Variants in PABPC4 observed in about 807,000 individuals in gnomAD.
PABPC4 encodes poly(A) binding protein cytoplasmic 4.
Under a neutral mutation model 74.5 loss-of-function variants are expected in PABPC4, and 15 were observed. The ratio of observed to expected loss-of-function variants is 0.20; its 90% CI spans 0.13 to 0.31. The LOEUF (loss-of-function observed/expected upper bound fraction) is 0.31. PABPC4 is among the 10% of genes least tolerant of loss of function. The pLI is 1.00. For missense variants in PABPC4, 610 were observed against 853.5 expected, an observed-to-expected ratio of 0.71 and a Z score of 3.55; for synonymous variants, 345 against 303.0, an observed-to-expected ratio of 1.14 and a Z score of -1.44.
rs1241622640 is a variant in PABPC4 at position 39,569,097 on chromosome 1, A to G, written c.739-158T>C. 2.6e-5 allele frequency among the ~76,000 whole-genome samples: 4 copies of G among 152,218 alleles called. No homozygotes were observed. In the East Asian group the frequency reaches 7.7e-4, roughly 29 times the overall value. Reference sequence around the variant, plus strand: ...CACAAATCCAAACTTCCTCATCTGTAAAGTGAGGTTAATATTTAAATGGGT... The same window carrying G: ...CACAAATCCAAACTTCCTCATCTGTGAAGTGAGGTTAATATTTAAATGGGT... On this transcript the variant is annotated intron_variant, in intron 5 of 15. Coordinates refer to ENST00000372858, the MANE Select transcript of PABPC4 (RefSeq NM_001135653.2).
intron 3 of PABPC4, chr1:39,570,447 T>TGC: frequency 6.3e-6 from 1 of 159,106 alleles, no homozygotes; most frequent in South Asian, 2.0e-4. Context: ...AGAAAATTTA[T>TGC]CCATGCACTG....
chr1:39,572,294 A>G (rs1259227710), intron 2 of PABPC4, 99 bp downstream of exon 2: 4 of 946,676 alleles, frequency 4.2e-6, no homozygotes, highest in Non-Finnish European at 6.3e-6. Context: ...AAATTCCCAT[A>G]TCTTGTTCCC....
Position 39,569,961 on chromosome 1 carries a change from T to C in PABPC4, c.545A>G (p.Glu182Gly). 6.2e-7 allele frequency: 1 copy of C among 1,614,116 alleles called. No individual in the cohort carries two copies. Among genetic ancestry groups the C allele is most frequent in the Non-Finnish European group, 8.5e-7 (1 of 1,180,022 alleles). ...GAATTCCTTGGCTTTGGCTCCAAGCTCAGCTTCCCGCTCTTTGCGAGACTT... is the reference window on the plus strand; with the variant it reads ...GAATTCCTTGGCTTTGGCTCCAAGCCCAGCTTCCCGCTCTTTGCGAGACTT... ...RFKSRKEREA[E>G]LGAKAKEFTN... The change falls in exon 4 of 16, where the codon GAG becomes GGG. Residue 182 changes from glutamate (E) to glycine (G), a missense_variant. Physicochemically the swap from Glu to Gly is moderately conservative, Grantham distance 98. Coordinates refer to ENST00000372858, the MANE Select transcript of PABPC4 (RefSeq NM_001135653.2).
chr1:39,572,002 C>T (rs1358796262), intron 2 of PABPC4, among the ~76,000 whole-genome samples: 4 of 152,162 alleles, frequency 2.6e-5, no homozygotes, highest in African/African-American at 9.7e-5. Flanking sequence ...ACACCACCAC[C>T]GTTTAAGTTT....
In PABPC4 at chr1:39,575,842, AC is replaced by A; in HGVS notation, c.109del (p.Val37CysfsTer10). Reference sequence around the variant, plus strand: ...ATCGCGGCAGACCCGGATGGACAGCACAGGCCCCGCGGGGCTGAACTTTTCG... The same window carrying A: ...ATCGCGGCAGACCCGGATGGACAGCAAGGCCCCGCGGGGCTGAACTTTTCG... ...LYEKFSPAGP[V>X]LSIRVCRDMI... is the part of the protein sequence containing the mutation. On this transcript the variant is annotated frameshift_variant, in exon 1 of 16. Coordinates refer to ENST00000372858, the MANE Select transcript of PABPC4 (RefSeq NM_001135653.2). LOFTEE classifies it high-confidence loss of function. The A allele has an allele frequency of 6.2e-7, 1 of 1,612,412 alleles. No homozygotes were observed. Among genetic ancestry groups the A allele is most frequent in the Non-Finnish European group, 8.5e-7 (1 of 1,179,632 alleles).
chr1:39,563,495 T>C (rs1272939261), intron 12 of PABPC4, 119 bp downstream of exon 12: 7 of 1,281,374 alleles, frequency 5.5e-6, no homozygotes, highest in Admixed American at 2.5e-5. Flanking sequence ...AATCAGAACA[T>C]AGCGTCATAA....
chr1:39,565,853 C>A (rs917159300), intron 7 of PABPC4, among the ~76,000 whole-genome samples: 77 of 142,348 alleles, frequency 5.4e-4, no homozygotes, highest in African/African-American at 2.3e-3. Context: ...CAAAACAAAA[C>A]AAAACAAAAC....
At chr1:39,568,191 A>C (rs1333795198) in intron 6 of PABPC4, 2 of 180,580 alleles carry the variant, frequency 1.1e-5, no homozygotes, top group Non-Finnish European at 2.3e-5. Flanking sequence ...CGGGAGGCGG[A>C]GTTTGCAGTG....
At position 39,574,561 on chromosome 1, in the gene PABPC4, A is replaced by G. The variant is rs577952934; in HGVS notation, c.193+1198T>C. Among the ~76,000 whole-genome samples the G allele has an allele frequency of 2.6e-5, 4 of 152,356 alleles. No homozygotes were observed. The East Asian group carries it at 7.7e-4, about 29-fold the overall frequency. On this transcript the variant is annotated intron_variant, in intron 1 of 15. Coordinates refer to ENST00000372858, the MANE Select transcript of PABPC4 (RefSeq NM_001135653.2). ...ATTATCCCTTAAAAAGACCACACTCAGCTACCTTTGCGCTCCTATGGCCAT... is the reference window on the plus strand; with the variant it reads ...ATTATCCCTTAAAAAGACCACACTCGGCTACCTTTGCGCTCCTATGGCCAT...
intron 7 of PABPC4, among the ~76,000 whole-genome samples, chr1:39,566,811 G>T (rs140875787): frequency 2.2e-4 from 33 of 152,276 alleles, no homozygotes; most frequent in Non-Finnish European, 8.8e-5. Context: ...TTACACTGAT[G>T]AGGGCCAGTC....
At chr1:39,563,303 G>C (rs537434018) in intron 12 of PABPC4, 49 of 309,972 alleles carry the variant, frequency 1.6e-4, no homozygotes, top group African/African-American at 9.9e-4. Flanking sequence ...GGATCCAATA[G>C]GTCATTGGAT....
At chr1:39,565,511 G>A in intron 7 of PABPC4, 133 bp from the exon 8 acceptor site, 1 of 850,632 alleles carries the variant, frequency 1.2e-6, no homozygotes. Flanking sequence ...AGACCAGCTT[G>A]AGCAATGTAG....
intron 6 of PABPC4, chr1:39,568,206 G>A (rs371436909): frequency 2.9e-5 from 5 of 174,896 alleles, no homozygotes; most frequent in East Asian, 1.7e-4. Context: ...GCAGTGAGCC[G>A]AGATTGTGCC....
In PABPC4 at chr1:39,569,356, C is replaced by A. The variant is rs141814256; in HGVS notation, c.738+239G>T. 6 of 557,192 alleles carry A rather than the reference C, an allele frequency of 1.1e-5. No homozygotes were observed. In the Admixed American group the frequency reaches 1.9e-4, roughly 17 times the overall value. 34.5% of individuals were successfully genotyped at this position (557,192 alleles called of 1,614,324 possible). A position where few individuals can be genotyped will look rare whatever the true frequency, so the allele number is the denominator to read the frequency against. ...TCTCTCACCTTTGCAGCATAACAAA[C>A]GTCTGTCCTATTCTTTCAACAACTG... On this transcript the variant is annotated intron_variant, in intron 5 of 15. Transcript: ENST00000372858.
rs536210954 is a variant in PABPC4, at chr1:39,569,447, C to T, written c.738+148G>A. 1,428 of 645,402 alleles carry T rather than the reference C, an allele frequency of 2.2e-3. 2 individuals carry two copies. The highest frequency in any genetic ancestry group is 3.4e-3 in the Non-Finnish European group (1,206 of 355,478). 40.0% of individuals were successfully genotyped at this position (645,402 alleles called of 1,614,324 possible). A position where few individuals can be genotyped will look rare whatever the true frequency, so the allele number is the denominator to read the frequency against. On this transcript the variant is annotated intron_variant, in intron 5 of 15. Transcript: ENST00000372858. Reference sequence around the variant, plus strand: ...ACCTACATGAAGTTAACATGCGGAACCCAGGAAGATGATCCCAGAGTATAG... The same window carrying T: ...ACCTACATGAAGTTAACATGCGGAATCCAGGAAGATGATCCCAGAGTATAG...
At chr1:39,570,077 G>A (rs1311644240) in intron 3 of PABPC4, 75 bp from the exon 4 acceptor site, 14 of 1,430,998 alleles carry the variant, frequency 9.8e-6, no homozygotes, top group Non-Finnish European at 1.3e-5. Context: ...AAGGAATACA[G>A]GTTAAAGACT....
intron 6 of PABPC4, chr1:39,568,143 G>A: frequency 3.9e-6 from 1 of 254,942 alleles, no homozygotes; most frequent in Non-Finnish European, 7.5e-6. Flanking sequence ...TGTAGTCCCA[G>A]CTACTCAGGA....
intron 5 of PABPC4, among the ~76,000 whole-genome samples, chr1:39,569,329 G>A (rs1371949158): frequency 1.3e-5 from 2 of 152,202 alleles, no homozygotes; most frequent in East Asian, 3.8e-4. Flanking sequence ...CTGGGCTTTA[G>A]TTCTCTCACC....
rs1286953275 is a variant in PABPC4, at chr1:39,562,428, G to A, written c.1669-12C>T. 6.2e-7 allele frequency: 1 copy of A among 1,607,410 alleles called. No homozygotes were observed. The highest frequency in any genetic ancestry group is 1.3e-5 in the African/African-American group (1 of 74,810). ...GCAGGCTGGGGTGCCTGGGAACCAGGAAAGGCAGTGGGTTAGCACTGAGGA... is the reference window on the plus strand; with the variant it reads ...GCAGGCTGGGGTGCCTGGGAACCAGAAAAGGCAGTGGGTTAGCACTGAGGA... On this transcript the variant is annotated splice_polypyrimidine_tract_variant and intron_variant, in intron 12 of 15. Coordinates refer to ENST00000372858, the MANE Select transcript of PABPC4 (RefSeq NM_001135653.2).
Sources: allele counts gnomAD v4.1 joint callset (sites outside exome capture counted in the v4.1 genomes callset), GRCh38; gene constraint gnomAD v4.1.1; transcripts MANE v1.5; gene names NCBI Gene and HGNC (gene_info 2026-07-23, HGNC 2026-07-21).